The following SAMD4A variants were observed in gnomAD, a reference collection of about 807,000 sequenced individuals.
SAMD4A encodes the protein protein Smaug homolog 1.
Under a neutral mutation model 81.3 loss-of-function variants are expected in SAMD4A, and 33 were observed. The ratio of observed to expected loss-of-function variants is 0.41; its 90% CI spans 0.31 to 0.54. The LOEUF (loss-of-function observed/expected upper bound fraction) is 0.54, where lower values mean the gene tolerates loss of function less well. Ranked by LOEUF, SAMD4A falls within the 20% of genes least tolerant of loss-of-function variation. The pLI, the probability that SAMD4A is intolerant of heterozygous loss-of-function variation, is 0.37. For synonymous variants in SAMD4A, 389 were observed against 382.1 expected, an observed-to-expected ratio of 1.02 and a Z score of -0.21; for missense variants, 854 against 951.1, an observed-to-expected ratio of 0.90 and a Z score of 1.34.
intron 3 of SAMD4A, among the ~76,000 whole-genome samples, chr14:54,719,193 T>G (rs367964843): frequency 6.6e-6 from 1 of 152,154 alleles, no homozygotes; most frequent in East Asian, 1.9e-4. Context: ...GGCAACCTGC[T>G]TGACACCCAG....
At chr14:54,675,366 C>T (rs1346056902) in intron 2 of SAMD4A, among the ~76,000 whole-genome samples, 3 of 22,188 alleles carry the variant, frequency 1.4e-4, no homozygotes, top group Non-Finnish European at 2.6e-4. Flanking sequence ...AACTCCGTCT[C>T]CAAAAAAAAA....
At position 54,791,300 on chromosome 14, in the gene SAMD4A, G is replaced by C. The variant is rs1245243465; in HGVS notation, c.*2356G>C. ...ACCATGGTATTACACATCTTGCTGA[G>C]AAAGGAAAGCATTCGGATCTGCTGC... On this transcript the variant is annotated 3_prime_UTR_variant, in exon 13 of 13. Transcript: ENST00000554335. The C allele has an allele frequency of 2.6e-5, 4 of 152,208 alleles. No individual in the cohort carries two copies. The highest frequency in any genetic ancestry group is 5.9e-5 in the Non-Finnish European group (4 of 68,032). 9.4% of individuals were successfully genotyped at this position (152,208 alleles called of 1,614,324 possible). A position where few individuals can be genotyped will look rare whatever the true frequency, so the allele number is the denominator to read the frequency against.
intron 2 of SAMD4A, among the ~76,000 whole-genome samples, chr14:54,614,105 T>C (rs1037461360): frequency 3.3e-5 from 5 of 152,192 alleles, no homozygotes; most frequent in Admixed American, 6.5e-5. Context: ...TCCTAACAGA[T>C]TGAATGCAGA....
intron 2 of SAMD4A, among the ~76,000 whole-genome samples, chr14:54,624,543 G>A (rs1191097279): frequency 6.6e-6 from 1 of 152,236 alleles, no homozygotes; most frequent in African/African-American, 2.4e-5. Flanking sequence ...ATTTAACTGA[G>A]CACAAATGAT....
chr14:54,736,511 A>T (rs527378755), intron 3 of SAMD4A, among the ~76,000 whole-genome samples: 1 of 152,306 alleles, frequency 6.6e-6, no homozygotes, highest in East Asian at 1.9e-4. Flanking sequence ...GGTTGGAAAG[A>T]TTAGTCCACC....
intron 2 of SAMD4A, among the ~76,000 whole-genome samples, chr14:54,650,240 A>G (rs2035374674): frequency 6.6e-6 from 1 of 152,244 alleles, no homozygotes; most frequent in Non-Finnish European, 1.5e-5. Flanking sequence ...ATAAACCTTT[A>G]CATCATTTAT....
chr14:54,785,286 A>G (rs915124615), intron 12 of SAMD4A, among the ~76,000 whole-genome samples: 4 of 152,220 alleles, frequency 2.6e-5, no homozygotes, highest in African/African-American at 7.2e-5. Flanking sequence ...CAGCTCACAG[A>G]AGCATCTGTG....
At chr14:54,616,300 G>A (rs2034489444) in intron 2 of SAMD4A, among the ~76,000 whole-genome samples, 1 of 152,128 alleles carries the variant, frequency 6.6e-6, no homozygotes, top group Non-Finnish European at 1.5e-5. Flanking sequence ...ATTGAATTAT[G>A]GGACAATGCC....
intron 2 of SAMD4A, among the ~76,000 whole-genome samples, chr14:54,598,807 C>T (rs2033979566): frequency 6.6e-6 from 1 of 150,774 alleles, no homozygotes; most frequent in Admixed American, 6.6e-5. Flanking sequence ...TTCCCTCTCC[C>T]CTCCCCTCCC....
chr14:54,612,304 T>A (rs1356500171), intron 2 of SAMD4A, among the ~76,000 whole-genome samples: 1 of 152,228 alleles, frequency 6.6e-6, no homozygotes, highest in African/African-American at 2.4e-5. Flanking sequence ...ATTTTTATGA[T>A]AAGATACCAT....
At chr14:54,606,472 G>T (rs1051074935) in intron 2 of SAMD4A, among the ~76,000 whole-genome samples, 1 of 152,174 alleles carries the variant, frequency 6.6e-6, no homozygotes. Context: ...GTGGCGGGGG[G>T]AGGAGTTTGC....
intron 11 of SAMD4A, 39 bp downstream of exon 11, chr14:54,776,579 G>C (rs1268441131): frequency 4.7e-6 from 7 of 1,490,900 alleles, no homozygotes; most frequent in Non-Finnish European, 6.2e-6. Context: ...ACACAGAGGG[G>C]AGGCCAAAAT....
At chr14:54,767,199 A>G (rs1324575223) in intron 8 of SAMD4A, among the ~76,000 whole-genome samples, 1 of 152,200 alleles carries the variant, frequency 6.6e-6, no homozygotes, top group East Asian at 1.9e-4. Flanking sequence ...TGTGGGTAGA[A>G]CACGCCCTGC....
At chr14:54,645,255 C>T (rs1022765227) in intron 2 of SAMD4A, among the ~76,000 whole-genome samples, 8 of 152,184 alleles carry the variant, frequency 5.3e-5, no homozygotes, top group East Asian at 1.9e-4. Flanking sequence ...CTGCTTGAGC[C>T]GAGGAGTTTG....
intron 2 of SAMD4A, among the ~76,000 whole-genome samples, chr14:54,614,570 A>C (rs1263220404): frequency 6.6e-6 from 1 of 152,214 alleles, no homozygotes; most frequent in African/African-American, 2.4e-5. Context: ...CTTCTGTGCC[A>C]GTGGTCGGCA....
chr14:54,591,109 T>G, intron 2 of SAMD4A, among the ~76,000 whole-genome samples: 1 of 152,266 alleles, frequency 6.6e-6, no homozygotes, highest in Non-Finnish European at 1.5e-5. Flanking sequence ...CGTGATTGGC[T>G]TTTAGCACAG....
chr14:54,754,929 C>G, intron 6 of SAMD4A: 1 of 807,286 alleles, frequency 1.2e-6, no homozygotes, highest in Non-Finnish European at 1.5e-6. Flanking sequence ...CAATGGGGAG[C>G]TGGGGACGTG....
chr14:54,686,656 G>A (rs1163217441), intron 2 of SAMD4A, among the ~76,000 whole-genome samples: 3 of 151,862 alleles, frequency 2.0e-5, no homozygotes, highest in East Asian at 1.9e-4. Context: ...AAAAGAAAAC[G>A]GATGCTTTAT....
At chr14:54,707,102 C>CTTTT (rs11412662) in intron 3 of SAMD4A, among the ~76,000 whole-genome samples, 13 of 130,444 alleles carry the variant, frequency 1.0e-4, no homozygotes, top group African/African-American at 3.8e-4. Context: ...TATGGACATA[C>CTTTT]TTTTTTTTTT....
Sources: allele counts gnomAD v4.1 joint callset (sites outside exome capture counted in the v4.1 genomes callset), GRCh38; gene constraint gnomAD v4.1.1; transcripts MANE v1.5; gene names NCBI Gene and HGNC (gene_info 2026-07-23, HGNC 2026-07-21).